Variants in CLTC observed in about 807,000 individuals in gnomAD.
CLTC encodes clathrin heavy chain, also known as clathrin heavy chain 1.
CLTC carries 16 observed loss-of-function variants against 195.8 expected under a neutral mutation model. The ratio of observed to expected loss-of-function variants is 0.08; its 90% CI spans 0.06 to 0.12. The LOEUF is 0.12. CLTC is among the 10% of genes least tolerant of loss of function. The pLI is 1.00. For synonymous variants in CLTC, 667 were observed against 689.4 expected (o/e 0.97, Z 0.51); for missense variants, 796 against 2,027.0 (o/e 0.39, Z 11.66).
chr17:59,627,362 T>C (rs2031582354), intron 1 of CLTC, among the ~76,000 whole-genome samples: 2 of 152,240 alleles, frequency 1.3e-5, no homozygotes. Context: ...AAGAGAACCC[T>C]TGTGCTTAGG....
intron 2 of CLTC, among the ~76,000 whole-genome samples, chr17:59,647,182 T>A (rs1042751252): frequency 2.6e-5 from 4 of 152,194 alleles, no homozygotes; most frequent in African/African-American, 9.7e-5. Context: ...CTGTTTAAAG[T>A]GTGTTTATTA....
At chr17:59,632,624 CAG>C (rs1389327711) in intron 1 of CLTC, among the ~76,000 whole-genome samples, 1 of 152,062 alleles carries the variant, frequency 6.6e-6, no homozygotes, top group Non-Finnish European at 1.5e-5. Context: ...GCCTATGCGA[CAG>C]AGCGAGACTC....
intron 15 of CLTC, 81 bp downstream of exon 15, chr17:59,673,853 C>G (rs2143573509): frequency 1.2e-6 from 1 of 805,290 alleles, no homozygotes; most frequent in Non-Finnish European, 2.0e-6. Context: ...TTTTGAAACT[C>G]TGTGCTCAAT....
chr17:59,657,761 CTG>C lies in CLTC; in HGVS notation c.969+1736_969+1737del, dbSNP rs2032506746. ...CTAGCCTGGATGACAGAGCAAGACT[CTG>C]TCTCAAAAAAAAAAAAAAAAAGAAG... On this transcript the variant is annotated intron_variant, in intron 6 of 31. Coordinates refer to ENST00000269122, the MANE Select transcript of CLTC (RefSeq NM_004859.4). Among the ~76,000 whole-genome samples, 3 of 136,124 alleles carry C rather than the reference CTG, an allele frequency of 2.2e-5. No individual in the cohort carries two copies. The South Asian group carries it at 6.7e-4, about 31-fold the overall frequency. 89.3% of individuals were successfully genotyped at this position (136,124 alleles called of 152,430 possible). A position where few individuals can be genotyped will look rare whatever the true frequency, so the allele number is the denominator to read the frequency against.
chr17:59,672,480 A>G (rs1229890665), intron 14 of CLTC, among the ~76,000 whole-genome samples: 1 of 152,164 alleles, frequency 6.6e-6, no homozygotes, highest in Non-Finnish European at 1.5e-5. Flanking sequence ...TAGGAAAAAC[A>G]TGACATACTA....
chr17:59,650,548 C>T (rs534959427), intron 4 of CLTC, among the ~76,000 whole-genome samples: 43 of 141,416 alleles, frequency 3.0e-4, no homozygotes, highest in Middle Eastern at 4.5e-3. Flanking sequence ...AATGCAGTGG[C>T]ACGATCCCGG....
chr17:59,650,576 C>G (rs186935913), intron 4 of CLTC, among the ~76,000 whole-genome samples: 2 of 151,206 alleles, frequency 1.3e-5, no homozygotes, highest in Admixed American at 1.3e-4. Flanking sequence ...CAACCTCCAC[C>G]TCCTGGGTTC....
intron 30 of CLTC, among the ~76,000 whole-genome samples, chr17:59,686,245 ATT>A (rs2033181248): frequency 6.6e-6 from 1 of 151,746 alleles, no homozygotes; most frequent in Non-Finnish European, 1.5e-5. Context: ...AATCTTCACA[ATT>A]TTTTTGATAG....
At chr17:59,688,245 A>G (rs1333373795) in intron 30 of CLTC, among the ~76,000 whole-genome samples, 1 of 152,144 alleles carries the variant, frequency 6.6e-6, no homozygotes, top group Non-Finnish European at 1.5e-5. Context: ...CCTGTATAGC[A>G]AGTCATCTTC....
In CLTC at chr17:59,682,483, G is replaced by GTCTCCATC; in HGVS notation, c.3600+56_3600+57insCTCCATCT. 6.2e-7 allele frequency: 1 copy of GTCTCCATC among 1,605,976 alleles called. No individual in the cohort carries two copies. The highest frequency in any genetic ancestry group is 1.7e-4 in the Middle Eastern group (1 of 6,032). ...CTAGTTGGGCTACTTGATTAGCTTG[G>GTCTCCATC]TAGGATCAAAACATCATAACTGAAG... On this transcript the variant is annotated intron_variant, in intron 22 of 31. Transcript: ENST00000269122. This position sits in a 1 kb window ranked among gnomAD's most constrained non-coding sequence, Gnocchi z 6.8.
chr17:59,664,094 T>A (rs1479316792), intron 9 of CLTC, 100 bp downstream of exon 9: 3 of 982,154 alleles, frequency 3.1e-6, no homozygotes, highest in Non-Finnish European at 4.4e-6. Context: ...TGAATTTCCT[T>A]TCATTTTGAT....
At chr17:59,637,487 G>A (rs995772518) in intron 1 of CLTC, among the ~76,000 whole-genome samples, 6 of 147,764 alleles carry the variant, frequency 4.1e-5, no homozygotes, top group South Asian at 4.3e-4. Context: ...CTCATGATCC[G>A]CCCGCCTCGG....
At chr17:59,657,625 G>A (rs1464278987) in intron 6 of CLTC, among the ~76,000 whole-genome samples, 16 of 151,870 alleles carry the variant, frequency 1.1e-4, no homozygotes, top group African/African-American at 3.6e-4. Context: ...AAAGTTAGCC[G>A]GCTGTGGTGG....
rs5821272 is a variant in CLTC, at chr17:59,624,454, C to CTTTT, written c.42+4303_42+4306dup. On this transcript the variant is annotated intron_variant, in intron 1 of 31. Coordinates refer to ENST00000269122, the MANE Select transcript of CLTC (RefSeq NM_004859.4). Reference sequence around the variant, plus strand: ...ATAGAAAAATAATATGAGCCACATACTTTTTTTTTTTTTTTTTTTTTTTTT... The same window carrying CTTTT: ...ATAGAAAAATAATATGAGCCACATACTTTTTTTTTTTTTTTTTTTTTTTTTTTTT... 0.015 allele frequency among the ~76,000 whole-genome samples: 1,425 copies of CTTTT among 97,892 alleles called. 173 individuals are homozygous for CTTTT. In the East Asian group the frequency reaches 0.23, roughly 16 times the overall value. 64.2% of individuals were successfully genotyped at this position (97,892 alleles called of 152,430 possible).
At chr17:59,636,817 C>T (rs2031873209) in intron 1 of CLTC, among the ~76,000 whole-genome samples, 1 of 152,088 alleles carries the variant, frequency 6.6e-6, no homozygotes. Flanking sequence ...GGCTGGAGTG[C>T]AATGGCACGA....
intron 1 of CLTC, among the ~76,000 whole-genome samples, chr17:59,632,649 A>C (rs1270840881): frequency 6.7e-6 from 1 of 149,280 alleles, no homozygotes; most frequent in African/African-American, 2.4e-5. Context: ...TCTCAAAAAC[A>C]AACAAAAAAA....
At position 59,682,302 on chromosome 17, in the gene CLTC, G is replaced by C. The variant is rs754017280; in HGVS notation, c.3474G>C (p.Gln1158His). ...GNWEELVKYL[Q>H]MARKKARESY... ...GGGAAGAACTGGTGAAGTACTTGCA[G>C]ATGGCCCGTAAGAAGGCTCGAGAGT... Residue 1158 changes from glutamine to histidine, a missense_variant, in exon 22 of 32, where the codon CAG becomes CAC. Gln to His is a conservative substitution (Grantham distance 24). Coordinates refer to ENST00000269122, the MANE Select transcript of CLTC (RefSeq NM_004859.4). This position sits in a 1 kb window ranked among gnomAD's most constrained non-coding sequence, Gnocchi z 6.8. 1 of 1,614,058 alleles carries C rather than the reference G, an allele frequency of 6.2e-7. No individual in the cohort carries two copies. Among genetic ancestry groups the C allele is most frequent in the South Asian group, 1.1e-5 (1 of 91,078 alleles).
rs1039487614 is a variant in CLTC, at chr17:59,647,636, G to A, written c.489G>A (p.Lys163=). 2 of 1,613,908 alleles carry A rather than the reference G, an allele frequency of 1.2e-6. No homozygotes were observed. The highest frequency in any genetic ancestry group is 2.7e-5 in the African/African-American group (2 of 74,908). The change falls in exon 3 of 32, where the codon AAG becomes AAA. Residue 163 remains lysine, a synonymous_variant. Transcript: ENST00000269122. ...ATTACCGTACAGATGCAAAACAAAA[G>A]TGGTTACTTCTGACTGGTATATCTG... ...IINYRTDAKQ[K]WLLLTGISAQ...
rs145436266 is a variant in CLTC, at chr17:59,687,825, C to T, written c.4827+2017C>T. On this transcript the variant is annotated intron_variant, in intron 30 of 31. Coordinates refer to ENST00000269122, the MANE Select transcript of CLTC (RefSeq NM_004859.4). ...TTGGCTTGTCCAAGGATGTCAAATT[C>T]AGGCACCTTTTGGTTGCTGCTTCCT... 3.5e-3 allele frequency among the ~76,000 whole-genome samples: 530 copies of T among 152,326 alleles called. 4 individuals are homozygous for T. The highest frequency in any genetic ancestry group is 0.012 in the African/African-American group (481 of 41,574).
Sources: allele counts gnomAD v4.1 joint callset (sites outside exome capture counted in the v4.1 genomes callset), GRCh38; gene constraint gnomAD v4.1.1; non-coding constraint Gnocchi (gnomAD v3.1); transcripts MANE v1.5; gene names NCBI Gene and HGNC (gene_info 2026-07-23, HGNC 2026-07-21).